Variants in CACNA2D3 observed in about 807,000 individuals in gnomAD.
CACNA2D3 encodes the protein voltage-dependent calcium channel subunit alpha-2/delta-3.
In CACNA2D3, 60 loss-of-function variants were observed where a neutral mutation model predicts 160.6. That is an observed-to-expected ratio of 0.37 (90% CI 0.30 to 0.46). CACNA2D3 has a LOEUF of 0.46. Ranked by LOEUF, CACNA2D3 falls within the 20% of genes least tolerant of loss-of-function variation. The probability of loss-of-function intolerance (pLI) is 1.00; values close to 1 mark genes in which losing one functional copy is unlikely to be tolerated. For missense variants in CACNA2D3, 1,205 were observed against 1,365.0 expected (o/e 0.88, Z 1.85); for synonymous variants, 558 against 492.9 (o/e 1.13, Z -1.75).
At chr3:54,257,239 A>G (rs566863508) in intron 2 of CACNA2D3, among the ~76,000 whole-genome samples, 1 of 152,350 alleles carries the variant, frequency 6.6e-6, no homozygotes, top group East Asian at 1.9e-4. Flanking sequence ...GATGGTAGCC[A>G]TCAGAGCAGT....
intron 4 of CACNA2D3, among the ~76,000 whole-genome samples, chr3:54,443,194 G>A (rs909363793): frequency 1.4e-4 from 22 of 152,302 alleles, no homozygotes; most frequent in Admixed American, 1.0e-3. Flanking sequence ...ACAACATATA[G>A]TCGGGGGATA....
intron 27 of CACNA2D3, among the ~76,000 whole-genome samples, chr3:54,958,131 G>A (rs1367145494): frequency 6.6e-6 from 1 of 152,236 alleles, no homozygotes; most frequent in East Asian, 1.9e-4. Context: ...CTAGTTGGAT[G>A]AGGATGAAAC....
At chr3:54,551,405 G>T (rs1702155134) in intron 5 of CACNA2D3, among the ~76,000 whole-genome samples, 1 of 152,168 alleles carries the variant, frequency 6.6e-6, no homozygotes, top group Non-Finnish European at 1.5e-5. Flanking sequence ...TCCAGTATAG[G>T]TGCTAAATGC....
intron 4 of CACNA2D3, among the ~76,000 whole-genome samples, chr3:54,475,952 A>G (rs1298272688): frequency 6.6e-6 from 1 of 151,406 alleles, no homozygotes; most frequent in African/African-American, 2.4e-5. Flanking sequence ...CTCACTCATC[A>G]TATAACTGTA....
chr3:54,488,445 A>G (rs1175936653), intron 4 of CACNA2D3, among the ~76,000 whole-genome samples: 1 of 152,092 alleles, frequency 6.6e-6, no homozygotes, highest in East Asian at 1.9e-4. Context: ...TAGCTACCTT[A>G]TGAAACCCTC....
intron 11 of CACNA2D3, among the ~76,000 whole-genome samples, chr3:54,690,511 CATT>C (rs758116502): frequency 6.6e-6 from 1 of 152,246 alleles, no homozygotes; most frequent in Admixed American, 6.5e-5. Context: ...TCATCATCAT[CATT>C]ACTTTTATCT....
At chr3:54,123,305 G>C (rs1016565957) in intron 1 of CACNA2D3, among the ~76,000 whole-genome samples, 5 of 129,928 alleles carry the variant, frequency 3.8e-5, no homozygotes, top group Admixed American at 2.2e-4. Context: ...TTAACTCCGC[G>C]ACCCCCCTCG....
At chr3:54,527,289 C>A (rs149127776) in intron 5 of CACNA2D3, among the ~76,000 whole-genome samples, 1 of 152,328 alleles carries the variant, frequency 6.6e-6, no homozygotes, top group South Asian at 2.1e-4. Context: ...CTTATCTACA[C>A]TCAATTGCAA....
At chr3:54,408,839 T>C (rs531156667) in intron 4 of CACNA2D3, among the ~76,000 whole-genome samples, 10 of 152,376 alleles carry the variant, frequency 6.6e-5, no homozygotes, top group African/African-American at 2.4e-4. Context: ...TGTTGCTTAA[T>C]TTAACATTTA....
intron 13 of CACNA2D3, among the ~76,000 whole-genome samples, chr3:54,800,915 AT>A (rs762335996): frequency 2.6e-5 from 4 of 151,958 alleles, no homozygotes; most frequent in Non-Finnish European, 4.4e-5. Context: ...AATATTCTCT[AT>A]GCCTTTAACT....
In CACNA2D3 at chr3:54,626,684, CAAAAAAA is replaced by C. The variant is rs71096430; in HGVS notation, c.964-1084_964-1078del. On this transcript the variant is annotated intron_variant, in intron 9 of 37. Transcript: ENST00000474759. ...TAATAAAGGCGCACATGGTTCCAGT[CAAAAAAA>C]AAAAAAAAAAAAAAAAAAGAAAGAA... 2,391 of 316,052 alleles carry C rather than the reference CAAAAAAA, an allele frequency of 7.6e-3. 4 individuals carry two copies. Among genetic ancestry groups the C allele is most frequent in the Middle Eastern group, 0.012 (14 of 1,150 alleles). The allele number at this position is 316,052 out of a possible 1,614,324, so 19.6% of individuals were successfully genotyped here.
intron 2 of CACNA2D3, among the ~76,000 whole-genome samples, chr3:54,228,825 A>G (rs888727968): frequency 1.3e-5 from 2 of 152,138 alleles, no homozygotes; most frequent in African/African-American, 4.8e-5. Flanking sequence ...TGGGTTTTCA[A>G]TTTGGGCTTC....
chr3:54,695,089 C>T (rs1250536298), intron 11 of CACNA2D3, among the ~76,000 whole-genome samples: 1 of 152,126 alleles, frequency 6.6e-6, no homozygotes, highest in Non-Finnish European at 1.5e-5. Flanking sequence ...ACAGTCTCGG[C>T]TCACTGCAAC....
chr3:54,651,425 GAAA>G (rs34876732), intron 11 of CACNA2D3, among the ~76,000 whole-genome samples: 5 of 135,034 alleles, frequency 3.7e-5, no homozygotes, highest in South Asian at 4.9e-4. Context: ...GTTATCTCGA[GAAA>G]AAAAAAAAAA....
chr3:54,711,305 A>C (rs1228468989), intron 11 of CACNA2D3, among the ~76,000 whole-genome samples: 1 of 152,188 alleles, frequency 6.6e-6, no homozygotes, highest in Non-Finnish European at 1.5e-5. Context: ...GACCTATTGC[A>C]CCAGTTAGGA....
chr3:54,328,306 A>G (rs761055211), intron 3 of CACNA2D3, among the ~76,000 whole-genome samples: 17 of 152,038 alleles, frequency 1.1e-4, no homozygotes, highest in Non-Finnish European at 2.1e-4. Flanking sequence ...TTTGAGACGC[A>G]GTTTCACTCT....
intron 16 of CACNA2D3, among the ~76,000 whole-genome samples, chr3:54,839,534 C>A (rs889301262): frequency 6.6e-6 from 1 of 152,310 alleles, no homozygotes. Context: ...ACATCCACCC[C>A]CTTCTCCCCC....
chr3:54,768,746 TCTA>T (rs1702265704), intron 13 of CACNA2D3, among the ~76,000 whole-genome samples: 1 of 152,234 alleles, frequency 6.6e-6, no homozygotes, highest in African/African-American at 2.4e-5. Context: ...GCTCATTTAT[TCTA>T]CTTCTTAAAG....
chr3:54,489,949 T>C (rs545356053), intron 4 of CACNA2D3, among the ~76,000 whole-genome samples: 2 of 152,116 alleles, frequency 1.3e-5, no homozygotes, highest in South Asian at 2.1e-4. Flanking sequence ...AATGAGATGA[T>C]TGAGTAGTAA....
Sources: allele counts gnomAD v4.1 joint callset (sites outside exome capture counted in the v4.1 genomes callset), GRCh38; gene constraint gnomAD v4.1.1; transcripts MANE v1.5; gene names NCBI Gene and HGNC (gene_info 2026-07-23, HGNC 2026-07-21).